The following RHBDD1 variants were observed in gnomAD, a reference collection of about 807,000 sequenced individuals.
The protein encoded by RHBDD1 is rhomboid-related protein 4.
Under a neutral mutation model 36.3 loss-of-function variants are expected in RHBDD1, and 38 were observed. That is an observed-to-expected ratio of 1.05 (90% CI 0.81 to 1.37). The LOEUF is 1.37. RHBDD1 is among the 40% of genes most tolerant of loss of function. The pLI, the probability that RHBDD1 is intolerant of heterozygous loss-of-function variation, is 0.00. For missense variants in RHBDD1, 393 were observed against 377.6 expected (o/e 1.04, Z -0.34); for synonymous variants, 151 against 136.5 (o/e 1.11, Z -0.74).
chr2:226,818,464 C>G, the RHBDD1 span, among the ~76,000 whole-genome samples: 1 of 151,144 alleles, frequency 6.6e-6, no homozygotes, highest in Non-Finnish European at 1.5e-5. Flanking sequence ...CTGCACCCAG[C>G]TCAGTATTTT....
At chr2:226,985,870 C>T (rs1956829582) in intron 8 of RHBDD1, among the ~76,000 whole-genome samples, 1 of 152,258 alleles carries the variant, frequency 6.6e-6, no homozygotes, top group African/African-American at 2.4e-5. Context: ...CCTACCTCTT[C>T]CAGTTTATCC....
intron 8 of RHBDD1, among the ~76,000 whole-genome samples, chr2:226,927,964 C>A (rs1949777190): frequency 6.6e-6 from 1 of 152,044 alleles, no homozygotes; most frequent in African/African-American, 2.4e-5. Context: ...TGATGAAGCA[C>A]AATTTATCAA....
At chr2:226,806,477 A>T in the RHBDD1 span, among the ~76,000 whole-genome samples, 1 of 152,246 alleles carries the variant, frequency 6.6e-6, no homozygotes, top group Admixed American at 6.5e-5. Flanking sequence ...CTAGATTACA[A>T]ATGAAGACAT....
intron 5 of RHBDD1, among the ~76,000 whole-genome samples, chr2:226,893,356 AT>A (rs1946844166): frequency 6.6e-6 from 1 of 152,194 alleles, no homozygotes; most frequent in Admixed American, 6.5e-5. Context: ...ATCCAGAAAT[AT>A]TTTTGTCTAT....
the RHBDD1 span, among the ~76,000 whole-genome samples, chr2:226,814,647 A>G: frequency 6.6e-6 from 1 of 152,200 alleles, no homozygotes; most frequent in South Asian, 2.1e-4. Flanking sequence ...AGGTGCAGAA[A>G]ACATTCAGAG....
chr2:226,841,333 C>T (rs192678597), intron 3 of RHBDD1, among the ~76,000 whole-genome samples: 3 of 152,008 alleles, frequency 2.0e-5, no homozygotes, highest in East Asian at 3.9e-4. Flanking sequence ...TTCAAGGGTA[C>T]GTGTGTAGGA....
At chr2:226,878,575 G>T (rs758062444) in intron 5 of RHBDD1, among the ~76,000 whole-genome samples, 3 of 152,206 alleles carry the variant, frequency 2.0e-5, no homozygotes, top group Non-Finnish European at 4.4e-5. Flanking sequence ...ATGTCACCAG[G>T]CTGTGAGGAA....
chr2:226,847,305 A>G (rs142467551), intron 3 of RHBDD1, among the ~76,000 whole-genome samples: 36 of 152,300 alleles, frequency 2.4e-4, no homozygotes, highest in Admixed American at 2.4e-3. Flanking sequence ...CTCTATGGTA[A>G]CAGCACATGC....
intron 5 of RHBDD1, among the ~76,000 whole-genome samples, chr2:226,890,273 A>G (rs1236561560): frequency 6.6e-6 from 1 of 152,128 alleles, no homozygotes; most frequent in African/African-American, 2.4e-5. Flanking sequence ...TTGAGTTTTG[A>G]CTCACATTTT....
At chr2:226,914,397 G>A in intron 8 of RHBDD1, 46 bp downstream of exon 8, 5 of 1,552,932 alleles carry the variant, frequency 3.2e-6, no homozygotes, top group South Asian at 1.2e-5. Context: ...TACCTCATGT[G>A]GTAAGGTAGT....
intron 4 of RHBDD1, among the ~76,000 whole-genome samples, chr2:226,866,399 G>GT (rs954129399): frequency 2.8e-4 from 42 of 151,826 alleles, no homozygotes; most frequent in African/African-American, 4.8e-4. Context: ...TTTATTTGTA[G>GT]TTTTTTTTCT....
In RHBDD1 at chr2:226,969,556, T is replaced by C. The variant is rs145712632; in HGVS notation, c.857-25875T>C. ...AAGCTGTTCCAAGTTTCTTAGGTAA[T>C]GGCCATTAAGGCCAATTGACTCCGT... On this transcript the variant is annotated intron_variant, in intron 8 of 8. Coordinates refer to ENST00000392062, the MANE Select transcript of RHBDD1 (RefSeq NM_001167608.3). 1.6e-3 allele frequency among the ~76,000 whole-genome samples: 238 copies of C among 152,256 alleles called. 1 individual carries two copies. Among genetic ancestry groups the C allele is most frequent in the Admixed American group, 0.01 (157 of 15,296 alleles).
At chr2:226,865,195 A>C in intron 4 of RHBDD1, 69 bp downstream of exon 4, 1 of 1,220,724 alleles carries the variant, frequency 8.2e-7, no homozygotes, top group Non-Finnish European at 1.2e-6. Context: ...CTGTCATTTT[A>C]TGAAGTGTGG....
At chr2:226,857,165 A>G (rs574357046) in intron 3 of RHBDD1, among the ~76,000 whole-genome samples, 16 of 152,094 alleles carry the variant, frequency 1.1e-4, no homozygotes, top group African/African-American at 3.6e-4. Flanking sequence ...GTGTGTGTTT[A>G]TATTGTATTT....
chr2:226,820,199 C>A, the RHBDD1 span, among the ~76,000 whole-genome samples: 1 of 152,122 alleles, frequency 6.6e-6, no homozygotes, highest in Non-Finnish European at 1.5e-5. Flanking sequence ...GAATAAAGTA[C>A]ACAGCACACA....
At chr2:226,804,397 A>G in the RHBDD1 span, 1 of 152,244 alleles carries the variant, frequency 6.6e-6, no homozygotes, top group Admixed American at 6.5e-5. Context: ...TTATTCTTCC[A>G]GAATTGGCAA....
At chr2:226,868,929 G>T (rs943540613) in intron 5 of RHBDD1, among the ~76,000 whole-genome samples, 1 of 152,126 alleles carries the variant, frequency 6.6e-6, no homozygotes, top group Non-Finnish European at 1.5e-5. Context: ...TCTATACCTT[G>T]TCACTCACTG....
chr2:226,919,004 A>C (rs753861650), intron 8 of RHBDD1, among the ~76,000 whole-genome samples: 1 of 152,070 alleles, frequency 6.6e-6, no homozygotes, highest in Non-Finnish European at 1.5e-5. Flanking sequence ...CATAAAAGCC[A>C]TTTTAACTGG....
In RHBDD1 at chr2:226,914,326, A is replaced by T. The variant is rs1290515375; in HGVS notation, c.831A>T (p.Ala277=). ...GLSEEEQLER[A]LQASLWDRGN... Reference sequence around the variant, plus strand: ...GTGAAGAAGAACAGCTCGAGAGAGCATTACAAGCCAGCCTCTGGGACCGAG... The same window carrying T: ...GTGAAGAAGAACAGCTCGAGAGAGCTTTACAAGCCAGCCTCTGGGACCGAG... Residue 277 remains alanine (A), a synonymous_variant, in exon 8 of 9, where the codon GCA becomes GCT. Coordinates refer to ENST00000392062, the MANE Select transcript of RHBDD1 (RefSeq NM_001167608.3). 6.2e-7 allele frequency: 1 copy of T among 1,613,300 alleles called. No homozygotes were observed. Among genetic ancestry groups the T allele is most frequent in the Non-Finnish European group, 8.5e-7 (1 of 1,179,654 alleles).
Sources: allele counts gnomAD v4.1 joint callset (sites outside exome capture counted in the v4.1 genomes callset), GRCh38; gene constraint gnomAD v4.1.1; transcripts MANE v1.5; gene names NCBI Gene and HGNC (gene_info 2026-07-23, HGNC 2026-07-21).